The following MACIR variants were observed in gnomAD, a reference collection of about 807,000 sequenced individuals.
MACIR encodes UNC119-binding protein C5orf30.
In MACIR, 4 loss-of-function variants were observed where a neutral mutation model predicts 14.3. The observed-to-expected ratio is 0.28, with a 90% CI of 0.14 to 0.64. The LOEUF is 0.64. Among genes scored for constraint, MACIR ranks in the 30% least tolerant of loss-of-function variants. The pLI is 0.83. For missense variants in MACIR, 228 were observed against 257.6 expected, an observed-to-expected ratio of 0.89 and a Z score of 0.79; for synonymous variants, 101 against 102.4, an observed-to-expected ratio of 0.99 and a Z score of 0.08.
intron 2 of MACIR, among the ~76,000 whole-genome samples, chr5:103,273,544 C>T (rs916540285): frequency 1.3e-5 from 2 of 152,144 alleles, no homozygotes; most frequent in African/African-American, 2.4e-5. Flanking sequence ...TTGTCTCCTT[C>T]TAGGCTTTAT....
intron 1 of MACIR, chr5:103,259,444 A>G (rs1315458550): frequency 6.6e-6 from 1 of 151,976 alleles, no homozygotes; most frequent in Non-Finnish European, 1.5e-5. Context: ...CTGTTCCCGC[A>G]CCGCGGGGCA....
At chr5:103,260,951 C>A (rs1372036725) in intron 1 of MACIR, among the ~76,000 whole-genome samples, 1 of 152,174 alleles carries the variant, frequency 6.6e-6, no homozygotes, top group Non-Finnish European at 1.5e-5. Context: ...TCCTAAGAGA[C>A]AAATTTCTTG....
intron 1 of MACIR, among the ~76,000 whole-genome samples, chr5:103,261,772 GA>G (rs1307781042): frequency 6.0e-5 from 9 of 148,874 alleles, no homozygotes; most frequent in Non-Finnish European, 1.2e-4. Context: ...TTAGGGCCAT[GA>G]AAAAAATGAA....
chr5:103,263,813 T>C (rs146294446), intron 1 of MACIR, among the ~76,000 whole-genome samples: 457 of 152,250 alleles, frequency 3.0e-3, no homozygotes, highest in African/African-American at 0.01. Context: ...AGCGGAAATA[T>C]ATAACTGTAT....
chr5:103,270,827 G>A (rs781976845), intron 2 of MACIR, among the ~76,000 whole-genome samples: 1 of 152,090 alleles, frequency 6.6e-6, no homozygotes, highest in African/African-American at 2.4e-5. Context: ...ATATCTGGAT[G>A]TATCTTGGTG....
chr5:103,267,595 A>G (rs545514272), intron 2 of MACIR, among the ~76,000 whole-genome samples: 2 of 152,206 alleles, frequency 1.3e-5, no homozygotes, highest in Admixed American at 6.5e-5. Flanking sequence ...AAGGTGTTCA[A>G]ACATACACTG....
intron 2 of MACIR, among the ~76,000 whole-genome samples, chr5:103,273,438 T>G (rs114520588): frequency 0.01 from 1,560 of 152,302 alleles, 15 homozygotes; most frequent in Non-Finnish European, 0.015. Flanking sequence ...TCAAATCAGA[T>G]TTTGACCTTT....
intron 2 of MACIR, among the ~76,000 whole-genome samples, chr5:103,266,501 ATT>A (rs373218580): frequency 1.5e-3 from 223 of 152,278 alleles, no homozygotes; most frequent in African/African-American, 5.2e-3. Flanking sequence ...CACACCCTGA[ATT>A]TAAACGGTTA....
At position 103,276,273 on chromosome 5, in the gene MACIR, G is replaced by A. The variant is rs1554237700; in HGVS notation, c.354G>A (p.Glu118=). The stretch of plus-strand genomic sequence containing the variant: ...GAAGTAGGTACTACCAGCCATACGA[G>A]ATTCCAGCTGTCAATGGCAGGAGGC... ...KTRSRYYQPY[E]IPAVNGRRRR... The change falls in exon 3 of 3, where the codon GAG becomes GAA. Residue 118 remains glutamate (E), a synonymous_variant. Coordinates refer to ENST00000319933, the MANE Select transcript of MACIR (RefSeq NM_033211.4). 1 of 1,612,728 alleles carries A rather than the reference G, an allele frequency of 6.2e-7. No homozygotes were observed. Among genetic ancestry groups the A allele is most frequent in the Admixed American group, 1.7e-5 (1 of 59,760 alleles).
chr5:103,260,506 T>C (rs1249196537), intron 1 of MACIR, among the ~76,000 whole-genome samples: 1 of 152,144 alleles, frequency 6.6e-6, no homozygotes, highest in East Asian at 1.9e-4. Flanking sequence ...ATGAACAGGA[T>C]GGAATATAAG....
upstream of MACIR, among the ~76,000 whole-genome samples, chr5:103,258,374 A>G (rs1160412119): frequency 6.6e-6 from 1 of 151,312 alleles, no homozygotes; most frequent in East Asian, 1.9e-4. Flanking sequence ...CCCTTTAAGC[A>G]GAGACTCACA....
intron 2 of MACIR, among the ~76,000 whole-genome samples, chr5:103,269,228 CAAAA>C (rs1308497719): frequency 9.9e-5 from 15 of 151,930 alleles, no homozygotes; most frequent in Admixed American, 5.2e-4. Flanking sequence ...AACAAACAAA[CAAAA>C]AACACAAAAA....
chr5:103,263,322 C>T (rs1221812572), intron 1 of MACIR, among the ~76,000 whole-genome samples: 2 of 152,036 alleles, frequency 1.3e-5, no homozygotes, highest in Non-Finnish European at 2.9e-5. Context: ...GGAGCTTCTG[C>T]ACCTTGGTTT....
chr5:103,269,709 A>G (rs1171783824), intron 2 of MACIR, among the ~76,000 whole-genome samples: 4 of 152,236 alleles, frequency 2.6e-5, no homozygotes, highest in Non-Finnish European at 5.9e-5. Context: ...TGCAGATTTT[A>G]TACAGGTCTA....
At chr5:103,269,886 T>G (rs1019270895) in intron 2 of MACIR, among the ~76,000 whole-genome samples, 2 of 152,192 alleles carry the variant, frequency 1.3e-5, no homozygotes, top group Non-Finnish European at 2.9e-5. Flanking sequence ...TATAAATGAA[T>G]GAAATGTTAT....
At chr5:103,261,139 A>G (rs1804667507) in intron 1 of MACIR, among the ~76,000 whole-genome samples, 1 of 152,224 alleles carries the variant, frequency 6.6e-6, no homozygotes, top group African/African-American at 2.4e-5. Context: ...AAGGGGGTGG[A>G]TTGCTATTAA....
chr5:103,263,627 A>G (rs434816), intron 1 of MACIR, among the ~76,000 whole-genome samples: 43,177 of 152,090 alleles, frequency 0.28, 6,210 homozygotes, highest in Non-Finnish European at 0.32. Flanking sequence ...ATGTCACCAA[A>G]TACATGAGGC....
intron 1 of MACIR, among the ~76,000 whole-genome samples, chr5:103,265,688 A>G (rs1804900603): frequency 6.6e-6 from 1 of 152,178 alleles, no homozygotes; most frequent in African/African-American, 2.4e-5. Flanking sequence ...AATTTAAGTA[A>G]CAGAGTACAG....
intron 2 of MACIR, among the ~76,000 whole-genome samples, chr5:103,274,966 C>T (rs572990308): frequency 3.7e-4 from 56 of 152,208 alleles, no homozygotes; most frequent in African/African-American, 1.2e-3. Flanking sequence ...GGAACCTAGC[C>T]GCCATTTGTT....
Sources: gnomAD v4.1 joint callset for allele counts (sites outside exome capture counted in the v4.1 genomes callset) on GRCh38, gnomAD v4.1.1 for gene constraint, MANE v1.5 for transcripts, NCBI Gene and HGNC (gene_info 2026-07-23, HGNC 2026-07-21) for gene names.